SVEP1: variants seen among roughly 807,000 people sequenced by gnomAD.
SVEP1 encodes the protein sushi, von Willebrand factor type A, EGF and pentraxin domain-containing protein 1.
A neutral mutation model predicts 367.3 loss-of-function variants in SVEP1; 164 were observed. That is an observed-to-expected ratio of 0.45 (90% CI 0.39 to 0.51). The LOEUF (loss-of-function observed/expected upper bound fraction) is 0.51. SVEP1 is among the 20% of genes least tolerant of loss of function. The pLI is 0.00. For synonymous variants in SVEP1, 1,666 were observed against 1,611.6 expected, an observed-to-expected ratio of 1.03 and a Z score of -0.81; for missense variants, 4,117 against 4,425.3, an observed-to-expected ratio of 0.93 and a Z score of 1.98.
chr9:110,538,568 A>T (rs1194436358), intron 3 of SVEP1, among the ~76,000 whole-genome samples: 1 of 152,032 alleles, frequency 6.6e-6, no homozygotes, highest in African/African-American at 2.4e-5. Context: ...ATAATAAGAT[A>T]CTCCCAAATA....
intron 1 of SVEP1, among the ~76,000 whole-genome samples, chr9:110,576,432 G>A (rs1428516332): frequency 6.6e-6 from 1 of 152,090 alleles, no homozygotes; most frequent in East Asian, 1.9e-4. Flanking sequence ...CATAATATAT[G>A]TATGAAAACA....
At chr9:110,498,407 C>G (rs941161272) in intron 7 of SVEP1, among the ~76,000 whole-genome samples, 3 of 152,050 alleles carry the variant, frequency 2.0e-5, no homozygotes, top group Admixed American at 2.0e-4. Flanking sequence ...CACTGGCATC[C>G]CTCAACTTCC....
At chr9:110,490,922 T>C (rs1188574487) in intron 8 of SVEP1, among the ~76,000 whole-genome samples, 1 of 152,006 alleles carries the variant, frequency 6.6e-6, no homozygotes, top group East Asian at 1.9e-4. Context: ...TAAATTTCCT[T>C]TTCACTGTAG....
At chr9:110,577,930 A>G (rs972678397) in intron 1 of SVEP1, among the ~76,000 whole-genome samples, 2 of 152,204 alleles carry the variant, frequency 1.3e-5, no homozygotes, top group African/African-American at 4.8e-5. Context: ...AAATTGACAA[A>G]GATATTAAAA....
intron 1 of SVEP1, among the ~76,000 whole-genome samples, chr9:110,554,703 C>A (rs1312164460): frequency 6.7e-6 from 1 of 148,854 alleles, no homozygotes; most frequent in East Asian, 2.0e-4. Context: ...ATAATATAGA[C>A]ATTTATGTGT....
chr9:110,497,366 G>T (rs1829466795), intron 7 of SVEP1, among the ~76,000 whole-genome samples: 2 of 152,176 alleles, frequency 1.3e-5, no homozygotes, highest in Middle Eastern at 3.4e-3. Context: ...CCCATTTGAG[G>T]TCCCCACTCC....
At chr9:110,575,532 T>G (rs1170556591) in intron 1 of SVEP1, among the ~76,000 whole-genome samples, 2 of 152,156 alleles carry the variant, frequency 1.3e-5, no homozygotes, top group East Asian at 3.9e-4. Flanking sequence ...ATACCCTGCC[T>G]GGCGCGACTG....
At chr9:110,426,183 A>G (rs571116942) in intron 36 of SVEP1, among the ~76,000 whole-genome samples, 13 of 152,208 alleles carry the variant, frequency 8.5e-5, no homozygotes, top group Non-Finnish European at 1.6e-4. Flanking sequence ...AGAAGATGTT[A>G]AGATTTGGGC....
chr9:110,386,084 A>C lies in SVEP1; in HGVS notation c.10061-10T>G. On this transcript the variant is annotated splice_polypyrimidine_tract_variant and intron_variant, in intron 42 of 47. Coordinates refer to ENST00000374469, the MANE Select transcript of SVEP1 (RefSeq NM_153366.4). ...ACAGGGCATGGATTTGCTGTCAAAA[A>C]GAAAAGAAAATGCTTACTGATATTT... 6.2e-7 allele frequency: 1 copy of C among 1,601,582 alleles called. No homozygotes were observed. The highest frequency in any genetic ancestry group is 1.3e-5 in the African/African-American group (1 of 74,376).
chr9:110,524,717 CTT>C (rs1254334424), intron 3 of SVEP1, among the ~76,000 whole-genome samples: 13 of 143,830 alleles, frequency 9.0e-5, no homozygotes, highest in Admixed American at 1.4e-4. Flanking sequence ...ATTATTATTA[CTT>C]TTTTTTTTTT....
Position 110,472,223 on chromosome 9 carries a change from G to A in SVEP1, c.2700C>T (p.Ser900=), listed in dbSNP as rs763172349. ...ATGGGGCACTTCTTTTAATCCGTGA[G>A]GACTTGGCATTGCCGATGCTTGTGG... is the stretch of plus-strand genomic sequence containing the variant. ...ETATSIGNAK[S]SRIKRSAPLS... The change falls in exon 15 of 48, where the codon TCC becomes TCT. Residue 900 remains serine, a synonymous_variant. Transcript: ENST00000374469. 3 of 1,613,556 alleles carry A rather than the reference G, an allele frequency of 1.9e-6. No homozygotes were observed. Among genetic ancestry groups the A allele is most frequent in the Non-Finnish European group, 2.5e-6 (3 of 1,179,770 alleles).
At chr9:110,532,326 G>C (rs1830031370) in intron 3 of SVEP1, among the ~76,000 whole-genome samples, 2 of 152,130 alleles carry the variant, frequency 1.3e-5, no homozygotes, top group African/African-American at 2.4e-5. Flanking sequence ...TCAAATTTCA[G>C]GTCTAGCTGT....
chr9:110,510,413 C>T (rs1829690453), intron 5 of SVEP1, among the ~76,000 whole-genome samples: 1 of 152,170 alleles, frequency 6.6e-6, no homozygotes, highest in Non-Finnish European at 1.5e-5. Flanking sequence ...CCTTGACTGA[C>T]CCTGACACAT....
intron 43 of SVEP1, 46 bp downstream of exon 43, chr9:110,385,852 A>C (rs1043634000): frequency 6.3e-7 from 1 of 1,575,934 alleles, no homozygotes; most frequent in Non-Finnish European, 8.6e-7. Flanking sequence ...GGATGGGAAA[A>C]CATTTCGCAC....
chr9:110,379,976 A>G (rs1355119159), intron 43 of SVEP1, among the ~76,000 whole-genome samples: 1 of 152,242 alleles, frequency 6.6e-6, no homozygotes, highest in Non-Finnish European at 1.5e-5. Context: ...CCTAGCATGC[A>G]ACATGCTCTT....
chr9:110,402,475 G>T (rs538456138), intron 39 of SVEP1, among the ~76,000 whole-genome samples: 19 of 151,942 alleles, frequency 1.3e-4, no homozygotes, highest in African/African-American at 4.3e-4. Flanking sequence ...CCTTAAAAAG[G>T]GTCTATTCTA....
rs549817779 is a variant in SVEP1, at chr9:110,411,340, A to C, written c.6371T>G (p.Ile2124Ser). The change falls in exon 37 of 48, where the codon ATT (isoleucine) becomes AGT (serine). Residue 2124 changes from isoleucine to serine, a missense_variant. Ile to Ser is a moderately radical substitution (Grantham distance 142). This residue lies in a region of SVEP1 where 1,765 missense variants were observed against 1,781.1 expected (regional missense o/e 0.99). Transcript: ENST00000374469. ...EGFVLNTSAKIECMRGGQWNP... is the reference protein window; with the variant it reads ...EGFVLNTSAKSECMRGGQWNP... The stretch of plus-strand genomic sequence containing the variant: ...CCACTGCCCACCTCTCATACATTCA[A>C]TCTTTGCTGAGGTGTTCAGTACAAA... The C allele has an allele frequency of 1.9e-6, 3 of 1,614,038 alleles. No individual in the cohort carries two copies. Among genetic ancestry groups the C allele is most frequent in the Non-Finnish European group, 2.5e-6 (3 of 1,179,904 alleles).
rs1827990401 is a variant in SVEP1, at chr9:110,408,496, T to C, written c.7104A>G (p.Gln2368=). 1.2e-6 allele frequency: 2 copies of C among 1,613,742 alleles called. No individual in the cohort carries two copies. The highest frequency in any genetic ancestry group is 1.3e-5 in the African/African-American group (1 of 74,888). Residue 2368 remains glutamine (Q), a synonymous_variant, in exon 38 of 48, where the codon CAA becomes CAG. Coordinates refer to ENST00000374469, the MANE Select transcript of SVEP1 (RefSeq NM_153366.4). ...TACAAACAGGGAAAGAGTCATTCCA[T>C]TGCTGGGATGGCAAGCATTTCAGGA... ...PSVLKCLPSQ[Q]WNDSFPVCKI...
intron 1 of SVEP1, among the ~76,000 whole-genome samples, chr9:110,556,691 G>A (rs923492039): frequency 2.0e-5 from 3 of 152,012 alleles, no homozygotes; most frequent in Non-Finnish European, 4.4e-5. Context: ...GTTTGGCCAT[G>A]TTGCTCAGGC....
Sources: gnomAD v4.1 joint callset for allele counts (sites outside exome capture counted in the v4.1 genomes callset) on GRCh38, gnomAD v4.1.1 for gene constraint, gnomAD v4.1.1 regional missense constraint, MANE v1.5 for transcripts, NCBI Gene and HGNC (gene_info 2026-07-23, HGNC 2026-07-21) for gene names.